Variants in RANBP2 observed in about 807,000 individuals in gnomAD.
RANBP2 encodes the protein E3 SUMO-protein ligase RanBP2.
Under a neutral mutation model 303.6 loss-of-function variants are expected in RANBP2, and 57 were observed. The ratio of observed to expected loss-of-function variants is 0.19; its 90% CI spans 0.15 to 0.23. The LOEUF (loss-of-function observed/expected upper bound fraction) is 0.23. Ranked by LOEUF, RANBP2 falls within the 10% of genes least tolerant of loss-of-function variation. RANBP2 has a pLI of 1.00. For missense variants in RANBP2, 3,138 were observed against 3,780.8 expected (o/e 0.83, Z 4.46); for synonymous variants, 1,167 against 1,301.5 (o/e 0.90, Z 2.23).
chr2:109,655,196 C>T, the RANBP2 span, among the ~76,000 whole-genome samples: 1 of 152,134 alleles, frequency 6.6e-6, no homozygotes, highest in Non-Finnish European at 1.5e-5. Context: ...CCACTGCACC[C>T]GGCTGGTGAT....
chr2:108,934,284 C>T, the RANBP2 span, among the ~76,000 whole-genome samples: 2 of 152,192 alleles, frequency 1.3e-5, no homozygotes, highest in Non-Finnish European at 2.9e-5. Flanking sequence ...TTGGATCCCA[C>T]TTCTCAGACT....
the RANBP2 span, among the ~76,000 whole-genome samples, chr2:109,119,433 T>C: frequency 6.6e-6 from 1 of 152,212 alleles, no homozygotes; most frequent in African/African-American, 2.4e-5. Flanking sequence ...AATCTCCCCT[T>C]GGATGATTTA....
chr2:109,110,302 A>G, the RANBP2 span, among the ~76,000 whole-genome samples: 1 of 152,202 alleles, frequency 6.6e-6, no homozygotes, highest in Non-Finnish European at 1.5e-5. Flanking sequence ...TCTGGGGGCA[A>G]CAGTTAGGAT....
the RANBP2 span, among the ~76,000 whole-genome samples, chr2:109,325,343 T>C: frequency 7.4e-6 from 1 of 135,514 alleles, no homozygotes; most frequent in Non-Finnish European, 1.6e-5. Context: ...TTTTTTTTTT[T>C]TTTTTTTTTT....
chr2:108,783,831 T>C lies in RANBP2; in HGVS notation c.9605T>C (p.Ile3202Thr). Residue 3202 changes from isoleucine (I) to threonine (T), a missense_variant, in exon 29 of 29, where the codon ATT becomes ACT. Around this residue, in one of 20 missense-constraint regions of RANBP2, gnomAD observed 22 missense variants for 48.8 expected, o/e 0.45. Coordinates refer to ENST00000283195, the MANE Select transcript of RANBP2 (RefSeq NM_006267.5). ...GATGGCATGGATACTGTGAAAAAGA[T>C]TGAATCATTTGGTTCTCCCAAAGGG... is the stretch of plus-strand genomic sequence containing the variant. ...VKDGMDTVKK[I>T]ESFGSPKGSV... is the part of the protein sequence containing the mutation. 1.2e-6 allele frequency: 2 copies of C among 1,613,154 alleles called. No individual in the cohort carries two copies. Among genetic ancestry groups the C allele is most frequent in the Non-Finnish European group, 1.7e-6 (2 of 1,179,160 alleles).
the RANBP2 span, among the ~76,000 whole-genome samples, chr2:108,862,100 A>T: frequency 1.4e-5 from 2 of 140,036 alleles, no homozygotes; most frequent in Non-Finnish European, 3.1e-5. Context: ...TTATTTGTTG[A>T]GACTTTCCTG....
chr2:109,274,756 C>A, the RANBP2 span, among the ~76,000 whole-genome samples: 11 of 152,038 alleles, frequency 7.2e-5, no homozygotes, highest in Non-Finnish European at 1.0e-4. Flanking sequence ...TTAAATTGTT[C>A]ACTTTAAAAT....
chr2:109,484,749 G>T, the RANBP2 span, among the ~76,000 whole-genome samples: 3 of 152,124 alleles, frequency 2.0e-5, no homozygotes, highest in African/African-American at 2.4e-5. Context: ...GTACTGCCCT[G>T]TCTCCCTCTG....
At chr2:109,723,117 A>C in the RANBP2 span, among the ~76,000 whole-genome samples, 3 of 152,034 alleles carry the variant, frequency 2.0e-5, no homozygotes. Context: ...CCACAACCTC[A>C]CCAGCATCTG....
the RANBP2 span, chr2:109,544,953 A>T: frequency 4.1e-6 from 4 of 984,996 alleles, no homozygotes; most frequent in Non-Finnish European, 4.8e-6. Context: ...AAACAAAAAT[A>T]CCTGTAAAAT....
chr2:109,130,986 T>C, the RANBP2 span, among the ~76,000 whole-genome samples: 1 of 152,300 alleles, frequency 6.6e-6, no homozygotes, highest in East Asian at 1.9e-4. Flanking sequence ...TTAATTTCTT[T>C]AAATGGAGAA....
At chr2:109,127,008 T>C in the RANBP2 span, among the ~76,000 whole-genome samples, 2 of 152,244 alleles carry the variant, frequency 1.3e-5, no homozygotes, top group African/African-American at 4.8e-5. Context: ...AGGTGGCTCA[T>C]GTGAACATGT....
chr2:109,342,088 A>G, the RANBP2 span, among the ~76,000 whole-genome samples: 2 of 152,184 alleles, frequency 1.3e-5, no homozygotes, highest in Non-Finnish European at 2.9e-5. Flanking sequence ...ATGCTGTGCT[A>G]TACAGGTCTG....
chr2:109,257,250 C>G, the RANBP2 span, among the ~76,000 whole-genome samples: 1 of 151,952 alleles, frequency 6.6e-6, no homozygotes, highest in Non-Finnish European at 1.5e-5. Flanking sequence ...TCATGTTGTT[C>G]GTTCTGTGGC....
the RANBP2 span, among the ~76,000 whole-genome samples, chr2:109,345,797 G>A: frequency 1.3e-5 from 2 of 152,172 alleles, no homozygotes; most frequent in Non-Finnish European, 2.9e-5. Context: ...GCTGGGCCAG[G>A]GTTTCTTAAC....
chr2:109,068,641 C>A, the RANBP2 span, among the ~76,000 whole-genome samples: 1 of 152,134 alleles, frequency 6.6e-6, no homozygotes, highest in Non-Finnish European at 1.5e-5. Context: ...CTGGGCAGTG[C>A]AACAGAGGGG....
chr2:109,464,133 C>G, the RANBP2 span, among the ~76,000 whole-genome samples: 9 of 152,206 alleles, frequency 5.9e-5, no homozygotes, highest in Non-Finnish European at 2.9e-5. Flanking sequence ...TCAGTTTCTT[C>G]TAAAATACTT....
chr2:108,742,971 A>C (rs981870271), intron 7 of RANBP2, among the ~76,000 whole-genome samples: 2 of 151,664 alleles, frequency 1.3e-5, no homozygotes, highest in Non-Finnish European at 2.9e-5. Flanking sequence ...TTGTATTTTC[A>C]GTAGAGATGG....
chr2:109,064,475 AAAC>A, the RANBP2 span, among the ~76,000 whole-genome samples: 2 of 149,060 alleles, frequency 1.3e-5, no homozygotes, highest in Non-Finnish European at 3.0e-5. Flanking sequence ...AAAAAAACAA[AAAC>A]AAACTGGTAA....
Sources: allele counts gnomAD v4.1 joint callset (sites outside exome capture counted in the v4.1 genomes callset), GRCh38; gene constraint gnomAD v4.1.1; regional missense constraint gnomAD v4.1.1; transcripts MANE v1.5; gene names NCBI Gene and HGNC (gene_info 2026-07-23, HGNC 2026-07-21).